GMDS: variants seen among roughly 807,000 people sequenced by gnomAD.
GMDS encodes the protein GDP-mannose 4,6-dehydratase, also known as GDP-mannose 4,6 dehydratase.
GMDS carries 20 observed loss-of-function variants against 49.9 expected under a neutral mutation model. That is an observed-to-expected ratio of 0.40 (90% confidence interval 0.28 to 0.58). GMDS has a LOEUF of 0.58. Among genes scored for constraint, GMDS ranks in the 20% least tolerant of loss-of-function variants. The probability of loss-of-function intolerance (pLI) is 0.42; values close to 1 mark genes in which losing one functional copy is unlikely to be tolerated. For synonymous variants in GMDS, 177 were observed against 178.6 expected (o/e 0.99, Z 0.07); for missense variants, 362 against 481.4 (o/e 0.75, Z 2.32).
chr6:2,110,607 G>C (rs1774493444), intron 4 of GMDS, among the ~76,000 whole-genome samples: 1 of 152,072 alleles, frequency 6.6e-6, no homozygotes. Context: ...TCAACCCCCT[G>C]GGGCTTCCAC....
chr6:1,636,095 C>T (rs539619576), intron 9 of GMDS, among the ~76,000 whole-genome samples: 1 of 152,330 alleles, frequency 6.6e-6, no homozygotes, highest in Non-Finnish European at 1.5e-5. Context: ...GATCCGCGTG[C>T]CACGAGGAAT....
intron 9 of GMDS, among the ~76,000 whole-genome samples, chr6:1,643,229 C>A (rs757019982): frequency 1.7e-4 from 26 of 152,202 alleles, no homozygotes; most frequent in Non-Finnish European, 3.4e-4. Context: ...GATTGATTCA[C>A]CAGACCAGAC....
chr6:1,627,242 A>G (rs1762873066), intron 9 of GMDS, among the ~76,000 whole-genome samples: 3 of 152,228 alleles, frequency 2.0e-5, no homozygotes, highest in Admixed American at 1.3e-4. Context: ...CCATTGTGTC[A>G]TTTATAGAAA....
chr6:1,868,833 C>T (rs982045866), intron 7 of GMDS, among the ~76,000 whole-genome samples: 1 of 152,202 alleles, frequency 6.6e-6, no homozygotes, highest in East Asian at 1.9e-4. Context: ...TCTTATAAGG[C>T]ATTATTTGTA....
intron 9 of GMDS, among the ~76,000 whole-genome samples, chr6:1,657,118 T>C (rs886975534): frequency 6.6e-6 from 1 of 152,210 alleles, no homozygotes; most frequent in Non-Finnish European, 1.5e-5. Flanking sequence ...CTTGGTCCTC[T>C]TGACTGATTC....
intron 7 of GMDS, among the ~76,000 whole-genome samples, chr6:1,926,431 T>A (rs1762011370): frequency 6.6e-6 from 1 of 152,174 alleles, no homozygotes; most frequent in African/African-American, 2.4e-5. Context: ...AAGCAACCCA[T>A]ACCACCATCA....
intron 9 of GMDS, among the ~76,000 whole-genome samples, chr6:1,709,283 T>A (rs1765858569): frequency 6.6e-6 from 1 of 152,196 alleles, no homozygotes; most frequent in Non-Finnish European, 1.5e-5. Flanking sequence ...GAGGCTAATG[T>A]GCAGAAGGGC....
At chr6:1,892,180 C>T (rs555972632) in intron 7 of GMDS, among the ~76,000 whole-genome samples, 5 of 152,006 alleles carry the variant, frequency 3.3e-5, no homozygotes, top group African/African-American at 9.7e-5. Flanking sequence ...TCTTTTCTCT[C>T]GGGGGAGACT....
chr6:1,750,733 C>A (rs1767687879), intron 7 of GMDS, among the ~76,000 whole-genome samples: 1 of 152,094 alleles, frequency 6.6e-6, no homozygotes, highest in Non-Finnish European at 1.5e-5. Context: ...ACCGTTCACT[C>A]CCCTGGAAAG....
At chr6:1,986,998 G>C (rs1216907882) in intron 4 of GMDS, among the ~76,000 whole-genome samples, 1 of 152,176 alleles carries the variant, frequency 6.6e-6, no homozygotes, top group Non-Finnish European at 1.5e-5. Flanking sequence ...CAATAAACCA[G>C]TAGTTGAGCC....
chr6:2,204,050 T>C (rs1779674790), intron 1 of GMDS, among the ~76,000 whole-genome samples: 1 of 152,224 alleles, frequency 6.6e-6, no homozygotes, highest in Admixed American at 6.5e-5. Flanking sequence ...AGGAAACTTA[T>C]TTCAGGAAAC....
chr6:1,992,444 C>T lies in GMDS; in HGVS notation c.346-31478G>A, dbSNP rs570801637. On this transcript the variant is annotated intron_variant, in intron 4 of 10. Coordinates refer to ENST00000380815, the MANE Select transcript of GMDS (RefSeq NM_001500.4). ...CATTTTCCCAGGCCAATCCTCTTGCCTATTCACCCACATCAGCGTCCAGGC... is the reference window on the plus strand; with the variant it reads ...CATTTTCCCAGGCCAATCCTCTTGCTTATTCACCCACATCAGCGTCCAGGC... 2.0e-5 allele frequency among the ~76,000 whole-genome samples: 3 copies of T among 152,332 alleles called. No individual in the cohort carries two copies. In the East Asian group the frequency reaches 5.8e-4, roughly 29 times the overall value.
chr6:1,780,791 C>T (rs549751579), intron 7 of GMDS, among the ~76,000 whole-genome samples: 17 of 152,344 alleles, frequency 1.1e-4, no homozygotes, highest in African/African-American at 3.1e-4. Flanking sequence ...AGAAGAACTT[C>T]GCCATCTTGT....
chr6:1,772,914 G>A (rs1768638194), intron 7 of GMDS, among the ~76,000 whole-genome samples: 1 of 152,214 alleles, frequency 6.6e-6, no homozygotes, highest in Non-Finnish European at 1.5e-5. Context: ...GGATGTTTCA[G>A]AGCAAAATAG....
rs1172852471 is a variant in GMDS, at chr6:1,640,176, C to T, written c.988-15636G>A. 1.3e-5 allele frequency among the ~76,000 whole-genome samples: 2 copies of T among 152,150 alleles called. No homozygotes were observed. The highest frequency in any genetic ancestry group is 2.9e-5 in the Non-Finnish European group (2 of 68,032). On this transcript the variant is annotated intron_variant, in intron 9 of 10. Transcript: ENST00000380815. The surrounding 1 kb of genome is among the most constrained non-coding windows in gnomAD (Gnocchi z 4.0). The stretch of plus-strand genomic sequence containing the variant: ...GGCACCAGCTCGGCAGCACTGTTGC[C>T]CAAGGCTCCCCCACATCACTCTTCA...
intron 9 of GMDS, among the ~76,000 whole-genome samples, chr6:1,650,724 A>G (rs112615757): frequency 0.011 from 1,559 of 148,316 alleles, 22 homozygotes; most frequent in African/African-American, 0.037. Context: ...ACAGGTGTGC[A>G]TCACCATGCC....
rs61214270 is a variant in GMDS at position 1,962,867 on chromosome 6, C to CT, written c.346-1902dup. On this transcript the variant is annotated intron_variant, in intron 4 of 10. Transcript: ENST00000380815. The stretch of plus-strand genomic sequence containing the variant: ...ATTATCAGGGTTGTCTTTTTCTTTT[C>CT]TTTTTTTTCTTTCTTTTTTTTTTTT... Among the ~76,000 whole-genome samples, 694 of 148,938 alleles carry CT rather than the reference C, an allele frequency of 4.7e-3. 34 individuals are homozygous for CT. In the East Asian group the frequency reaches 0.12, roughly 25 times the overall value.
intron 1 of GMDS, chr6:2,175,786 ATAGCT>A: frequency 1.8e-6 from 1 of 568,602 alleles, no homozygotes; most frequent in Non-Finnish European, 3.1e-6. Context: ...TATTATTTTT[ATAGCT>A]AACATTTATA....
At chr6:1,737,492 CACACACAA>C (rs1277303374) in intron 8 of GMDS, among the ~76,000 whole-genome samples, 1 of 151,048 alleles carries the variant, frequency 6.6e-6, no homozygotes, top group East Asian at 1.9e-4. Flanking sequence ...GTGCTCCACA[CACACACAA>C]ACACACACAC....
Sources: allele counts gnomAD v4.1 joint callset (sites outside exome capture counted in the v4.1 genomes callset), GRCh38; gene constraint gnomAD v4.1.1; non-coding constraint Gnocchi (gnomAD v3.1); transcripts MANE v1.5; gene names NCBI Gene and HGNC (gene_info 2026-07-23, HGNC 2026-07-21).